The following ZNRF3 variants were observed in gnomAD, a reference collection of about 807,000 sequenced individuals.
ZNRF3 encodes E3 ubiquitin-protein ligase ZNRF3.
Under a neutral mutation model 72.5 loss-of-function variants are expected in ZNRF3, and 23 were observed. The ratio of observed to expected loss-of-function variants is 0.32; its 90% CI spans 0.23 to 0.45. The LOEUF (loss-of-function observed/expected upper bound fraction) is 0.45, where lower values mean the gene tolerates loss of function less well. Ranked by LOEUF, ZNRF3 falls within the 20% of genes least tolerant of loss-of-function variation. ZNRF3 has a pLI of 1.00. For missense variants in ZNRF3, 1,169 were observed against 1,272.1 expected (o/e 0.92, Z 1.23); for synonymous variants, 610 against 545.3 (o/e 1.12, Z -1.65).
intron 1 of ZNRF3, among the ~76,000 whole-genome samples, chr22:28,969,675 C>G (rs1428644736): frequency 6.6e-6 from 1 of 152,156 alleles, no homozygotes; most frequent in African/African-American, 2.4e-5. Context: ...CATAAGTCAG[C>G]TAGGAAGCCA....
At chr22:29,047,888 G>A (rs1490068090) in intron 6 of ZNRF3, among the ~76,000 whole-genome samples, 1 of 152,176 alleles carries the variant, frequency 6.6e-6, no homozygotes, top group African/African-American at 2.4e-5. Flanking sequence ...TCCAGTAAAG[G>A]AGGGGATAGC....
chr22:28,988,750 G>A (rs1288215628), intron 2 of ZNRF3, among the ~76,000 whole-genome samples: 1 of 152,130 alleles, frequency 6.6e-6, no homozygotes, highest in Non-Finnish European at 1.5e-5. Context: ...TAGGTGTTAC[G>A]CTCCTAATAC....
Position 29,043,384 on chromosome 22 carries a change from A to G in ZNRF3, c.587A>G (p.Asn196Ser). ...GCCATTAAGCTGATGAACATCGTCA[A>G]CAAGCAGAAAGTGGCTCGAGCAAGG... is the stretch of plus-strand genomic sequence containing the variant. ...ADAIKLMNIV[N>S]KQKVARARIQ... The change falls in exon 4 of 9, where the codon AAC becomes AGC. Residue 196 changes from asparagine to serine, a missense_variant. Asn to Ser is a conservative substitution (Grantham distance 46). Around this residue, in one of 2 missense-constraint regions of ZNRF3, gnomAD observed 386 missense variants for 540.7 expected, o/e 0.71. Transcript: ENST00000544604. 6.2e-7 allele frequency: 1 copy of G among 1,613,980 alleles called. No homozygotes were observed. Among genetic ancestry groups the G allele is most frequent in the Non-Finnish European group, 8.5e-7 (1 of 1,179,998 alleles).
intron 2 of ZNRF3, among the ~76,000 whole-genome samples, chr22:29,039,145 G>A (rs376333857): frequency 5.3e-5 from 8 of 152,116 alleles, no homozygotes; most frequent in East Asian, 3.9e-4. Context: ...TGTGAAAAAC[G>A]TCTTTTGTGT....
intron 1 of ZNRF3, among the ~76,000 whole-genome samples, chr22:28,962,868 G>C (rs1482812201): frequency 1.3e-5 from 2 of 152,208 alleles, no homozygotes; most frequent in African/African-American, 4.8e-5. Context: ...TATAGGCAGG[G>C]GTCTGCTCTT....
At chr22:29,046,631 C>T in intron 5 of ZNRF3, 85 bp from the exon 6 acceptor site, 1 of 1,362,780 alleles carries the variant, frequency 7.3e-7, no homozygotes, top group Non-Finnish European at 9.7e-7. Flanking sequence ...TCTGCCTGTC[C>T]CAGTGAATCG....
At chr22:28,907,327 C>T (rs747020280) in intron 1 of ZNRF3, among the ~76,000 whole-genome samples, 15 of 152,088 alleles carry the variant, frequency 9.9e-5, no homozygotes, top group Non-Finnish European at 1.6e-4. Flanking sequence ...TGCCAAGGTG[C>T]CAAATGGCAC....
chr22:29,029,287 C>A (rs1291279402), intron 2 of ZNRF3, among the ~76,000 whole-genome samples: 1 of 152,202 alleles, frequency 6.6e-6, no homozygotes, highest in Non-Finnish European at 1.5e-5. Context: ...TGTCCCCTGT[C>A]CCACGAATGT....
At position 28,973,768 on chromosome 22, in the gene ZNRF3, G is replaced by A. The variant is rs967626310; in HGVS notation, c.301-13308G>A. On this transcript the variant is annotated intron_variant, in intron 1 of 8. Coordinates refer to ENST00000544604, the MANE Select transcript of ZNRF3 (RefSeq NM_001206998.2). ...TCCAGTGAAAGAAATTTAAAAAAAA[G>A]AAAAAGGAATGAACTTAAAATCTTG... 4.6e-5 allele frequency among the ~76,000 whole-genome samples: 7 copies of A among 152,112 alleles called. No individual in the cohort carries two copies. In the South Asian group the frequency reaches 1.5e-3, roughly 32 times the overall value.
At chr22:29,017,069 A>G (rs960876583) in intron 2 of ZNRF3, among the ~76,000 whole-genome samples, 6 of 152,202 alleles carry the variant, frequency 3.9e-5, no homozygotes, top group Admixed American at 3.3e-4. Context: ...CCATTTCCAA[A>G]GGTGAGATGT....
intron 2 of ZNRF3, among the ~76,000 whole-genome samples, chr22:28,993,769 A>G (rs1275682060): frequency 2.6e-5 from 4 of 151,932 alleles, no homozygotes; most frequent in Non-Finnish European, 4.4e-5. Context: ...TTCAGCCTCA[A>G]ACTCCCGGGC....
At chr22:28,978,087 A>T (rs1404993952) in intron 1 of ZNRF3, among the ~76,000 whole-genome samples, 6 of 152,222 alleles carry the variant, frequency 3.9e-5, no homozygotes, top group Admixed American at 3.3e-4. Context: ...AGTTGAAGAA[A>T]GTTCATCTTC....
chr22:28,975,857 A>C (rs879827416), intron 1 of ZNRF3, among the ~76,000 whole-genome samples: 1 of 137,154 alleles, frequency 7.3e-6, no homozygotes. Context: ...CTTCCCCCCA[A>C]ATTTGAGCCA....
At chr22:29,053,093 G>A (rs531997654) in intron 8 of ZNRF3, among the ~76,000 whole-genome samples, 8 of 152,082 alleles carry the variant, frequency 5.3e-5, no homozygotes, top group South Asian at 4.2e-4. Flanking sequence ...CCCCTGTCCC[G>A]TTCTTCCCAT....
chr22:28,986,027 T>C (rs1172916826), intron 1 of ZNRF3, among the ~76,000 whole-genome samples: 2 of 152,230 alleles, frequency 1.3e-5, no homozygotes, highest in African/African-American at 4.8e-5. Flanking sequence ...CTGTTCTCCA[T>C]CTTTCTCATG....
At chr22:29,053,520 C>T (rs2037245199) in intron 8 of ZNRF3, 59 bp from the exon 9 acceptor site, 1 of 1,569,846 alleles carries the variant, frequency 6.4e-7, no homozygotes, top group Admixed American at 1.7e-5. Context: ...GAGTCCCTTG[C>T]CTGGTCCCAT....
chr22:28,964,653 T>C (rs2035426989), intron 1 of ZNRF3, among the ~76,000 whole-genome samples: 1 of 152,210 alleles, frequency 6.6e-6, no homozygotes, highest in African/African-American at 2.4e-5. Flanking sequence ...CGTGAGACAG[T>C]GTCTCATCAC....
rs2033849241 is a variant in ZNRF3, at chr22:28,889,555, C to CCAGAA, written c.300+5489_300+5490insCAGAA. On this transcript the variant is annotated intron_variant, in intron 1 of 8. Transcript: ENST00000544604. Reference sequence around the variant, plus strand: ...GTACCAGACACTGTATTGCTGTTGTCTTCTGGAGTTCAGTCTCCTATGGAG... The same window carrying CCAGAA: ...GTACCAGACACTGTATTGCTGTTGTCCAGAATTCTGGAGTTCAGTCTCCTATGGAG... Among the ~76,000 whole-genome samples the CCAGAA allele has an allele frequency of 2.6e-5, 4 of 152,266 alleles. No individual in the cohort carries two copies. In the South Asian group the frequency reaches 8.3e-4, roughly 32 times the overall value.
chr22:28,964,304 C>T (rs1043502123), intron 1 of ZNRF3, among the ~76,000 whole-genome samples: 1 of 152,106 alleles, frequency 6.6e-6, no homozygotes, highest in Non-Finnish European at 1.5e-5. Flanking sequence ...GGGTCTCTAT[C>T]CTCAAAGGTC....
Sources: allele counts gnomAD v4.1 joint callset (sites outside exome capture counted in the v4.1 genomes callset), GRCh38; gene constraint gnomAD v4.1.1; regional missense constraint gnomAD v4.1.1; transcripts MANE v1.5; gene names NCBI Gene and HGNC (gene_info 2026-07-23, HGNC 2026-07-21).